Variants in DAPK2 observed in about 807,000 individuals in gnomAD.
DAPK2 encodes death-associated protein kinase 2.
Under a neutral mutation model 44.1 loss-of-function variants are expected in DAPK2, and 35 were observed. That is an observed-to-expected ratio of 0.79 (90% CI 0.61 to 1.05). DAPK2 has a LOEUF of 1.05. Among genes scored for constraint, DAPK2 ranks in the 50% least tolerant of loss-of-function variants. The pLI is 0.00. For missense variants in DAPK2, 453 were observed against 483.2 expected (o/e 0.94, Z 0.59); for synonymous variants, 174 against 182.6 (o/e 0.95, Z 0.38).
At chr15:63,989,393 A>G (rs1012329239) in intron 1 of DAPK2, among the ~76,000 whole-genome samples, 6 of 152,096 alleles carry the variant, frequency 3.9e-5, no homozygotes, top group Non-Finnish European at 7.3e-5. Context: ...AATAAAAAAG[A>G]GAGAGAGAAA....
intron 1 of DAPK2, among the ~76,000 whole-genome samples, chr15:64,008,935 G>T (rs2079311616): frequency 6.6e-6 from 1 of 152,088 alleles, no homozygotes; most frequent in African/African-American, 2.4e-5. Flanking sequence ...GGGAGGAAAG[G>T]GTAGGATCCC....
At chr15:64,006,537 A>C (rs553266935) in intron 1 of DAPK2, among the ~76,000 whole-genome samples, 1 of 152,330 alleles carries the variant, frequency 6.6e-6, no homozygotes, top group South Asian at 2.1e-4. Context: ...TCACCAAAGC[A>C]GGGCAGAAAC....
intron 4 of DAPK2, chr15:63,935,606 G>C (rs1190015492): frequency 7.9e-5 from 12 of 152,170 alleles, no homozygotes; most frequent in Non-Finnish European, 1.8e-4. Flanking sequence ...GTCTAGGTAA[G>C]ATTTTTGTTT....
chr15:63,937,810 T>C (rs917415605), intron 4 of DAPK2, among the ~76,000 whole-genome samples: 1 of 152,264 alleles, frequency 6.6e-6, no homozygotes, highest in African/African-American at 2.4e-5. Context: ...TATAATAAAC[T>C]TAATAGACAT....
chr15:63,922,896 C>G (rs752552831), intron 8 of DAPK2: 11 of 1,535,824 alleles, frequency 7.2e-6, no homozygotes, highest in Non-Finnish European at 8.7e-6. Context: ...TGCAGGTCTG[C>G]GGAGAGCTCC....
At chr15:64,023,516 AACTC>A (rs1407811837) in intron 1 of DAPK2, among the ~76,000 whole-genome samples, 1 of 152,214 alleles carries the variant, frequency 6.6e-6, no homozygotes, top group Non-Finnish European at 1.5e-5. Flanking sequence ...ATAATAAACC[AACTC>A]ACTCAATCAA....
intron 1 of DAPK2, among the ~76,000 whole-genome samples, chr15:63,989,444 G>C (rs1369861324): frequency 6.6e-6 from 1 of 152,148 alleles, no homozygotes; most frequent in Non-Finnish European, 1.5e-5. Flanking sequence ...ATTGGGCCAG[G>C]GAACAGGGCT....
chr15:63,989,774 C>T (rs529174505), intron 1 of DAPK2, among the ~76,000 whole-genome samples: 1 of 152,136 alleles, frequency 6.6e-6, no homozygotes, highest in African/African-American at 2.4e-5. Flanking sequence ...TCACTGCAAC[C>T]TCCACCTCCT....
intron 1 of DAPK2, among the ~76,000 whole-genome samples, chr15:63,985,522 C>T (rs773523807): frequency 6.6e-6 from 1 of 152,214 alleles, no homozygotes; most frequent in Non-Finnish European, 1.5e-5. Flanking sequence ...CTCAAGCAGC[C>T]GCTGGCAGGG....
At chr15:63,993,327 G>A (rs1379043684) in intron 1 of DAPK2, among the ~76,000 whole-genome samples, 2 of 152,200 alleles carry the variant, frequency 1.3e-5, no homozygotes, top group East Asian at 1.9e-4. Context: ...ATGACTTGGA[G>A]ATAGAAAGGT....
chr15:64,042,724 T>C (rs1484008944), upstream of DAPK2, among the ~76,000 whole-genome samples: 1 of 152,226 alleles, frequency 6.6e-6, no homozygotes, highest in East Asian at 1.9e-4. The surrounding 1 kb of genome is among the most constrained non-coding windows in gnomAD (Gnocchi z 4.7). Context: ...CCAGCCAAAG[T>C]TGACCTTTCC....
chr15:63,997,764 A>C (rs1410227448), intron 1 of DAPK2, among the ~76,000 whole-genome samples: 1 of 152,202 alleles, frequency 6.6e-6, no homozygotes, highest in Non-Finnish European at 1.5e-5. Flanking sequence ...CTGGAGTCAA[A>C]GAGGGGCAGA....
In DAPK2 at chr15:63,912,073, CA is replaced by C; in HGVS notation, c.948+34del. ...GAGCCAGAAACCCCGCCCTAGCCCCCACCCTGTCCCCCGCCGCCCCAACCCT... is the reference window on the plus strand; with the variant it reads ...GAGCCAGAAACCCCGCCCTAGCCCCCCCCTGTCCCCCGCCGCCCCAACCCT... On this transcript the variant is annotated intron_variant, in intron 9 of 10. Coordinates refer to ENST00000261891, the Ensembl canonical transcript of DAPK2. The surrounding 1 kb of genome is among the most constrained non-coding windows in gnomAD (Gnocchi z 4.4). 1 of 1,588,038 alleles carries C rather than the reference CA, an allele frequency of 6.3e-7. No homozygotes were observed. The highest frequency in any genetic ancestry group is 8.6e-7 in the Non-Finnish European group (1 of 1,164,002).
upstream of DAPK2, among the ~76,000 whole-genome samples, chr15:64,040,532 T>C (rs2080324938): frequency 6.6e-6 from 1 of 152,098 alleles, no homozygotes. Context: ...CTGAAGAAGT[T>C]CAGAGAAACA....
At chr15:64,026,592 G>A (rs2079853517) in intron 1 of DAPK2, among the ~76,000 whole-genome samples, 1 of 152,120 alleles carries the variant, frequency 6.6e-6, no homozygotes, top group Non-Finnish European at 1.5e-5. Flanking sequence ...GCAAGGTGGA[G>A]GACAGAAGCT....
chr15:63,983,154 G>A (rs1322742423), intron 2 of DAPK2, among the ~76,000 whole-genome samples: 1 of 152,146 alleles, frequency 6.6e-6, no homozygotes, highest in Admixed American at 6.5e-5. Flanking sequence ...AGCCCTCGCT[G>A]ACAGCCTCCC....
Position 63,917,548 on chromosome 15 carries a change from C to A in DAPK2, c.859-5351G>T. 6.6e-6 allele frequency: 1 copy of A among 152,156 alleles called. No individual in the cohort carries two copies. Among genetic ancestry groups the A allele is most frequent in the East Asian group, 1.9e-4 (1 of 5,192 alleles). 9.4% of individuals were successfully genotyped at this position (152,156 alleles called of 1,614,324 possible). A position where few individuals can be genotyped will look rare whatever the true frequency, so the allele number is the denominator to read the frequency against. On this transcript the variant is annotated intron_variant, in intron 8 of 10. Transcript: ENST00000261891. This position sits in a 1 kb window ranked among gnomAD's most constrained non-coding sequence, Gnocchi z 4.4. ...GGAGCGGGGTCATAGGTCCTGGAAT[C>A]CACTATCCCATTCCTTATACTTCTG...
chr15:63,981,366 A>T (rs2078506925), intron 2 of DAPK2, among the ~76,000 whole-genome samples: 1 of 152,126 alleles, frequency 6.6e-6, no homozygotes, highest in South Asian at 2.1e-4. Context: ...AGAAATAAAT[A>T]CCTTTTCCTT....
chr15:64,036,309 G>GTATATATGTA (rs1555484537), intron 1 of DAPK2, among the ~76,000 whole-genome samples: 1 of 60,518 alleles, frequency 1.7e-5, no homozygotes, highest in Non-Finnish European at 4.0e-5. Context: ...GTGTGTGTGT[G>GTATATATGTA]TATATATATG....
Sources: gnomAD v4.1 joint callset for allele counts (sites outside exome capture counted in the v4.1 genomes callset) on GRCh38, gnomAD v4.1.1 for gene constraint, Gnocchi (gnomAD v3.1) non-coding constraint, MANE v1.5 for transcripts, NCBI Gene and HGNC (gene_info 2026-07-23, HGNC 2026-07-21) for gene names.